DSCAML1: variants seen among roughly 807,000 people sequenced by gnomAD.
The protein encoded by DSCAML1 is cell adhesion molecule DSCAML1.
Under a neutral mutation model 200.5 loss-of-function variants are expected in DSCAML1, and 38 were observed. The ratio of observed to expected loss-of-function variants is 0.19; its 90% CI spans 0.15 to 0.25. DSCAML1 has a LOEUF of 0.25. Among genes scored for constraint, DSCAML1 ranks in the 10% least tolerant of loss-of-function variants. DSCAML1 has a pLI of 1.00. For synonymous variants in DSCAML1, 1,215 were observed against 1,165.0 expected (o/e 1.04, Z -0.87); for missense variants, 2,223 against 2,858.8 (o/e 0.78, Z 5.07).
intron 3 of DSCAML1, among the ~76,000 whole-genome samples, chr11:117,693,201 C>T (rs949625268): frequency 2.0e-5 from 3 of 152,172 alleles, no homozygotes; most frequent in Admixed American, 6.5e-5. Context: ...CAACTCTAAC[C>T]GTTACTATCT....
rs577329127 is a variant in DSCAML1, at chr11:117,805,140, T to C, written c.-250+12250A>G. On this transcript the variant is annotated intron_variant, in intron 1 of 2. Coordinates refer to the DSCAML1 transcript ENST00000525836. ...CTGAACTGGCCTCCTTGGCCTGTAATCCTGATGTGGATTATTTGAGAGAAA... is the reference window on the plus strand; with the variant it reads ...CTGAACTGGCCTCCTTGGCCTGTAACCCTGATGTGGATTATTTGAGAGAAA... Among the ~76,000 whole-genome samples, 60 of 152,314 alleles carry C rather than the reference T, an allele frequency of 3.9e-4. 1 individual carries two copies. The highest frequency in any genetic ancestry group is 1.3e-4 in the Non-Finnish European group (9 of 68,030).
intron 16 of DSCAML1, among the ~76,000 whole-genome samples, chr11:117,468,222 G>A (rs548856481): frequency 1.3e-5 from 2 of 152,108 alleles, no homozygotes; most frequent in East Asian, 3.9e-4. Flanking sequence ...AAGCAGGGGC[G>A]ATCCATCTCG....
intron 3 of DSCAML1, among the ~76,000 whole-genome samples, chr11:117,553,199 GA>G (rs756834662): frequency 2.0e-5 from 3 of 152,154 alleles, no homozygotes; most frequent in African/African-American, 7.2e-5. Flanking sequence ...ACAGATAAGG[GA>G]AAACCTTCAT....
chr11:117,797,411 C>G, upstream of DSCAML1: 1 of 621,590 alleles, frequency 1.6e-6, no homozygotes, highest in Non-Finnish European at 2.4e-6. Context: ...GACCCGGCTC[C>G]GCTGTCTGAG....
chr11:117,763,772 T>A (rs1203514785), intron 3 of DSCAML1, among the ~76,000 whole-genome samples: 1 of 151,992 alleles, frequency 6.6e-6, no homozygotes, highest in Non-Finnish European at 1.5e-5. Flanking sequence ...GATCTAATTG[T>A]TCTGGGGTCA....
intron 3 of DSCAML1, among the ~76,000 whole-genome samples, chr11:117,577,495 T>TTCCTTCCTTCCC (rs1301940576): frequency 3.1e-5 from 1 of 31,944 alleles, no homozygotes; most frequent in South Asian, 8.9e-4. Context: ...CCTTCCTTCC[T>TTCCTTCCTTCCC]TCCTTCCTTC....
At chr11:117,720,120 G>A (rs968075143) in intron 3 of DSCAML1, among the ~76,000 whole-genome samples, 3 of 152,024 alleles carry the variant, frequency 2.0e-5, no homozygotes, top group African/African-American at 7.3e-5. Context: ...ACCCTGTGCC[G>A]AGTCAGCACT....
At chr11:117,809,933 G>A (rs1249741245) in intron 1 of DSCAML1, among the ~76,000 whole-genome samples, 1 of 144,552 alleles carries the variant, frequency 6.9e-6, no homozygotes, top group Non-Finnish European at 1.5e-5. Context: ...TCACACACAC[G>A]CATATTCACA....
chr11:117,600,124 T>C (rs574062440), intron 3 of DSCAML1, among the ~76,000 whole-genome samples: 4 of 152,312 alleles, frequency 2.6e-5, no homozygotes, highest in South Asian at 4.1e-4. Context: ...TGTAAACACA[T>C]GTAGAAAAGC....
chr11:117,738,622 A>G (rs2054365883), intron 3 of DSCAML1, among the ~76,000 whole-genome samples: 1 of 152,200 alleles, frequency 6.6e-6, no homozygotes, highest in Admixed American at 6.5e-5. Flanking sequence ...CTGGGTCTCC[A>G]GGCTCAAAGC....
chr11:117,792,058 A>G (rs2055476553), intron 1 of DSCAML1, among the ~76,000 whole-genome samples: 1 of 152,110 alleles, frequency 6.6e-6, no homozygotes, highest in Non-Finnish European at 1.5e-5. Context: ...AACCTTTCTT[A>G]TTTTTCATTC....
intron 3 of DSCAML1, among the ~76,000 whole-genome samples, chr11:117,662,774 G>T (rs914957797): frequency 1.3e-5 from 2 of 152,180 alleles, no homozygotes; most frequent in Non-Finnish European, 2.9e-5. Context: ...CAAAATTCTT[G>T]CAAATTAGAG....
rs541655447 is a variant in DSCAML1 at position 117,691,734 on chromosome 11, GA to G, written c.511+85056del. ...TGACTACATCGACACTACATGTTCAGAAAAAGGAACAGGGGAGGGGCTGGGA... is the reference window on the plus strand; with the variant it reads ...TGACTACATCGACACTACATGTTCAGAAAAGGAACAGGGGAGGGGCTGGGA... On this transcript the variant is annotated intron_variant, in intron 3 of 32. Coordinates refer to ENST00000651296, the MANE Select transcript of DSCAML1 (RefSeq NM_020693.4). Among the ~76,000 whole-genome samples the G allele has an allele frequency of 1.2e-3, 188 of 152,276 alleles. 1 individual carries two copies. Among genetic ancestry groups the G allele is most frequent in the African/African-American group, 4.3e-3 (179 of 41,554 alleles).
In DSCAML1 at chr11:117,518,358, C is replaced by A; in HGVS notation, c.1510+108G>T. On this transcript the variant is annotated intron_variant, in intron 7 of 32. Transcript: ENST00000651296. This position sits in a 1 kb window ranked among gnomAD's most constrained non-coding sequence, Gnocchi z 6.3. ...AGGGGAGAGAGACCTCTACTAAAATCAAAATGACGATTAATAATAAGTACT... is the reference window on the plus strand; with the variant it reads ...AGGGGAGAGAGACCTCTACTAAAATAAAAATGACGATTAATAATAAGTACT... The A allele has an allele frequency of 6.7e-7, 1 of 1,488,362 alleles. No individual in the cohort carries two copies. 92.2% of individuals were successfully genotyped at this position (1,488,362 alleles called of 1,614,324 possible). A position where few individuals can be genotyped will look rare whatever the true frequency, so the allele number is the denominator to read the frequency against.
At chr11:117,793,733 C>T (rs2055519066) in intron 1 of DSCAML1, among the ~76,000 whole-genome samples, 1 of 152,178 alleles carries the variant, frequency 6.6e-6, no homozygotes, top group South Asian at 2.1e-4. Context: ...TGTCCAGTCC[C>T]CCGGGATCTG....
intron 3 of DSCAML1, among the ~76,000 whole-genome samples, chr11:117,631,548 T>G (rs2052174020): frequency 6.6e-6 from 1 of 152,226 alleles, no homozygotes; most frequent in South Asian, 2.1e-4. Context: ...CAGCTCCACC[T>G]AAAGGCCAGT....
intron 3 of DSCAML1, among the ~76,000 whole-genome samples, chr11:117,669,747 G>A (rs942549973): frequency 1.3e-5 from 2 of 152,254 alleles, no homozygotes; most frequent in African/African-American, 4.8e-5. Context: ...GGAGCCAAAT[G>A]TGAAGCATGG....
chr11:117,568,024 C>G (rs977715502), intron 3 of DSCAML1, among the ~76,000 whole-genome samples: 7 of 151,858 alleles, frequency 4.6e-5, no homozygotes, highest in Non-Finnish European at 8.8e-5. Flanking sequence ...GCTTATCCAC[C>G]ATGATCAAGT....
At chr11:117,582,722 G>A (rs1437647536) in intron 3 of DSCAML1, among the ~76,000 whole-genome samples, 2 of 152,170 alleles carry the variant, frequency 1.3e-5, no homozygotes. Context: ...CAGCTCCGGG[G>A]AAGGCTGGGC....
Sources: gnomAD v4.1 joint callset for allele counts (sites outside exome capture counted in the v4.1 genomes callset) on GRCh38, gnomAD v4.1.1 for gene constraint, Gnocchi (gnomAD v3.1) non-coding constraint, MANE v1.5 for transcripts, NCBI Gene and HGNC (gene_info 2026-07-23, HGNC 2026-07-21) for gene names.